LHFPL6: variants seen among roughly 807,000 people sequenced by gnomAD.
LHFPL6 encodes the protein LHFPL tetraspan subfamily member 6 protein.
LHFPL6 carries 9 observed loss-of-function variants against 20.6 expected under a neutral mutation model. That is an observed-to-expected ratio of 0.44 (90% CI 0.26 to 0.76). LHFPL6 has a LOEUF of 0.76. Among genes scored for constraint, LHFPL6 ranks in the 30% least tolerant of loss-of-function variants. The probability of loss-of-function intolerance (pLI) is 0.20; values close to 1 mark genes in which losing one functional copy is unlikely to be tolerated. For missense variants in LHFPL6, 218 were observed against 253.5 expected (o/e 0.86, Z 0.95); for synonymous variants, 105 against 98.7 (o/e 1.06, Z -0.38).
intron 2 of LHFPL6, among the ~76,000 whole-genome samples, chr13:39,420,476 C>T (rs140052892): frequency 6.6e-6 from 1 of 152,160 alleles, no homozygotes; most frequent in Non-Finnish European, 1.5e-5. Context: ...AACAACCACA[C>T]CGGTTTCCTT....
chr13:39,369,400 C>G (rs1870095394), intron 3 of LHFPL6, among the ~76,000 whole-genome samples: 2 of 152,100 alleles, frequency 1.3e-5, no homozygotes, highest in Non-Finnish European at 2.9e-5. Flanking sequence ...GTATCTGGTT[C>G]TTTAAATGAT....
At chr13:39,494,467 G>C (rs1486404949) in intron 2 of LHFPL6, among the ~76,000 whole-genome samples, 1 of 152,132 alleles carries the variant, frequency 6.6e-6, no homozygotes, top group Non-Finnish European at 1.5e-5. Flanking sequence ...ATTCCACCTT[G>C]GCAGCCTGAC....
intron 2 of LHFPL6, among the ~76,000 whole-genome samples, chr13:39,514,302 G>C (rs562758392): frequency 6.6e-6 from 1 of 152,094 alleles, no homozygotes; most frequent in Non-Finnish European, 1.5e-5. Flanking sequence ...TAAGTCCAAG[G>C]GTCTCTTCCG....
chr13:39,346,178 G>A (rs992761632), intron 3 of LHFPL6, among the ~76,000 whole-genome samples: 40 of 152,136 alleles, frequency 2.6e-4, no homozygotes, highest in Admixed American at 9.8e-4. Context: ...AAAAGGCAAC[G>A]CAAGACAGAG....
At chr13:39,448,882 T>C (rs1484512015) in intron 2 of LHFPL6, among the ~76,000 whole-genome samples, 1 of 152,214 alleles carries the variant, frequency 6.6e-6, no homozygotes, top group African/African-American at 2.4e-5. Flanking sequence ...GGGATTAGAT[T>C]TGCAATGAAA....
intron 3 of LHFPL6, among the ~76,000 whole-genome samples, chr13:39,362,607 T>C (rs1869903668): frequency 6.6e-6 from 1 of 152,204 alleles, no homozygotes; most frequent in Non-Finnish European, 1.5e-5. Context: ...ACCTGCATAA[T>C]GGCCATTTTT....
intron 2 of LHFPL6, among the ~76,000 whole-genome samples, chr13:39,450,586 C>G (rs1019884350): frequency 2.6e-5 from 4 of 152,056 alleles, no homozygotes; most frequent in African/African-American, 9.7e-5. Flanking sequence ...TGCTTAGATT[C>G]TAAGAACTTC....
rs187775814 is a variant in LHFPL6 at position 39,437,725 on chromosome 13, A to C, written c.386-59199T>G. Among the ~76,000 whole-genome samples, 1,461 of 152,058 alleles carry C rather than the reference A, an allele frequency of 9.6e-3. 27 individuals carry two copies. The highest frequency in any genetic ancestry group is 0.033 in the African/African-American group (1,375 of 41,474). Reference sequence around the variant, plus strand: ...AAACCATCCTGGCTAACACTGTGAAACCCCATCTCTACTAAAAATACAAAA... The same window carrying C: ...AAACCATCCTGGCTAACACTGTGAACCCCCATCTCTACTAAAAATACAAAA... On this transcript the variant is annotated intron_variant, in intron 2 of 3. Coordinates refer to ENST00000379589, the MANE Select transcript of LHFPL6 (RefSeq NM_005780.3).
chr13:39,540,610 T>C (rs1320629728), intron 2 of LHFPL6, among the ~76,000 whole-genome samples: 1 of 152,182 alleles, frequency 6.6e-6, no homozygotes, highest in Non-Finnish European at 1.5e-5. Flanking sequence ...TAACAAGTAT[T>C]TAACCCACTG....
chr13:39,417,141 T>C (rs999930957), intron 2 of LHFPL6, among the ~76,000 whole-genome samples: 6 of 152,184 alleles, frequency 3.9e-5, no homozygotes, highest in African/African-American at 1.2e-4. Context: ...CCAGTGTCTT[T>C]TCTCTTCTTT....
chr13:39,572,288 C>CTCTCTG (rs1441566883), intron 2 of LHFPL6, among the ~76,000 whole-genome samples: 8,097 of 143,410 alleles, frequency 0.056, 252 homozygotes, highest in East Asian at 0.17. Flanking sequence ...TTTTTAAACT[C>CTCTCTG]TGTGTGTGTG....
At chr13:39,427,057 T>TAAA (rs527894114) in intron 2 of LHFPL6, among the ~76,000 whole-genome samples, 1 of 139,422 alleles carries the variant, frequency 7.2e-6, no homozygotes, top group African/African-American at 2.6e-5. Context: ...TGCATCTTTG[T>TAAA]AAAAAAAAAA....
At chr13:39,379,077 GCA>G in intron 2 of LHFPL6, among the ~76,000 whole-genome samples, 1 of 119,862 alleles carries the variant, frequency 8.3e-6, no homozygotes, top group Middle Eastern at 4.7e-3. Flanking sequence ...GAATCACTGA[GCA>G]TCCACGCATC....
chr13:39,538,608 G>C (rs1566136109), intron 2 of LHFPL6, among the ~76,000 whole-genome samples: 1 of 151,476 alleles, frequency 6.6e-6, no homozygotes, highest in Non-Finnish European at 1.5e-5. Flanking sequence ...AGGAGACTTT[G>C]GTGACACAGA....
chr13:39,499,529 C>A (rs1185236896), intron 2 of LHFPL6, among the ~76,000 whole-genome samples: 1 of 151,848 alleles, frequency 6.6e-6, no homozygotes, highest in Non-Finnish European at 1.5e-5. Context: ...TGCCCACTCT[C>A]AGTCCACGAG....
intron 2 of LHFPL6, among the ~76,000 whole-genome samples, chr13:39,479,108 T>A (rs1005017383): frequency 7.1e-6 from 1 of 140,032 alleles, no homozygotes; most frequent in African/African-American, 2.6e-5. Flanking sequence ...TCTCTACCTA[T>A]CTATCCATCC....
chr13:39,418,658 TTCCTTGAAGC>T (rs1429238602), intron 2 of LHFPL6, among the ~76,000 whole-genome samples: 1 of 152,186 alleles, frequency 6.6e-6, no homozygotes, highest in Non-Finnish European at 1.5e-5. Context: ...TAAAGCAGAA[TTCCTTGAAGC>T]TCCCAATAGC....
chr13:39,581,194 T>G (rs1361853125), intron 2 of LHFPL6, among the ~76,000 whole-genome samples: 1 of 152,194 alleles, frequency 6.6e-6, no homozygotes, highest in Admixed American at 6.5e-5. Context: ...TCCAATATTT[T>G]CCACCATCTT....
At chr13:39,381,190 T>C (rs972277906) in intron 2 of LHFPL6, among the ~76,000 whole-genome samples, 1 of 152,072 alleles carries the variant, frequency 6.6e-6, no homozygotes, top group East Asian at 1.9e-4. Context: ...GACAAGTAAA[T>C]GAAAAACAGT....
Sources: gnomAD v4.1 joint callset for allele counts (sites outside exome capture counted in the v4.1 genomes callset) on GRCh38, gnomAD v4.1.1 for gene constraint, MANE v1.5 for transcripts, NCBI Gene and HGNC (gene_info 2026-07-23, HGNC 2026-07-21) for gene names.